The following GRM5 variants were observed in gnomAD, a reference collection of about 807,000 sequenced individuals.
GRM5 encodes glutamate metabotropic receptor 5, also known as metabotropic glutamate receptor 5.
GRM5 carries 19 observed loss-of-function variants against 83.1 expected under a neutral mutation model. The ratio of observed to expected loss-of-function variants is 0.23; its 90% confidence interval spans 0.16 to 0.34. The LOEUF (loss-of-function observed/expected upper bound fraction) is 0.34, where lower values mean the gene tolerates loss of function less well. Ranked by LOEUF, GRM5 falls within the 10% of genes least tolerant of loss-of-function variation. The pLI, the probability that GRM5 is intolerant of heterozygous loss-of-function variation, is 1.00. For synonymous variants in GRM5, 675 were observed against 633.6 expected (o/e 1.07, Z -0.98); for missense variants, 1,160 against 1,588.3 (o/e 0.73, Z 4.58).
intron 2 of GRM5, among the ~76,000 whole-genome samples, chr11:88,957,873 G>A (rs1373629723): frequency 2.0e-5 from 3 of 152,036 alleles, no homozygotes; most frequent in Non-Finnish European, 4.4e-5. Context: ...CACAAAAGCA[G>A]AAAGGGAAGA....
chr11:88,865,280 G>A (rs1307317444), intron 2 of GRM5, among the ~76,000 whole-genome samples: 1 of 152,124 alleles, frequency 6.6e-6, no homozygotes, highest in African/African-American at 2.4e-5. Flanking sequence ...CCTGATGTTT[G>A]ACAAACCTGA....
intron 3 of GRM5, among the ~76,000 whole-genome samples, chr11:88,795,327 T>C (rs10831444): frequency 0.053 from 8,109 of 152,222 alleles, 404 homozygotes; most frequent in Admixed American, 0.16. Flanking sequence ...TGCTACATAA[T>C]AGTGGCTACC....
At chr11:88,665,655 A>G (rs1237730670) in intron 3 of GRM5, among the ~76,000 whole-genome samples, 3 of 152,218 alleles carry the variant, frequency 2.0e-5, no homozygotes, top group Admixed American at 6.5e-5. Flanking sequence ...TAGGTATCAT[A>G]TGCTCAATAA....
intron 3 of GRM5, among the ~76,000 whole-genome samples, chr11:88,794,945 T>C (rs1484518839): frequency 1.3e-5 from 2 of 152,246 alleles, no homozygotes; most frequent in African/African-American, 4.8e-5. Flanking sequence ...TGATATGGTG[T>C]GATTACCATC....
intron 4 of GRM5, among the ~76,000 whole-genome samples, chr11:88,621,005 G>C (rs1251393236): frequency 6.6e-6 from 1 of 152,162 alleles, no homozygotes; most frequent in Non-Finnish European, 1.5e-5. Flanking sequence ...GATTCACCAT[G>C]AACAGCCAGT....
chr11:88,972,526 T>C (rs1481166731), intron 2 of GRM5, among the ~76,000 whole-genome samples: 1 of 152,162 alleles, frequency 6.6e-6, no homozygotes, highest in African/African-American at 2.4e-5. Context: ...CATAAATGGA[T>C]ACATATATAA....
rs1171219302 is a variant in GRM5, at chr11:88,956,692, G to GCTC, written c.661+90517_661+90519dup. On this transcript the variant is annotated intron_variant, in intron 2 of 9. Transcript: ENST00000305447. ...GCGGTGGCGGGGGCCTGTAGTCCCA[G>GCTC]CTCCTCGAGAGGCTGAGGCAGGAGA... is the stretch of plus-strand genomic sequence containing the variant. 6.6e-5 allele frequency among the ~76,000 whole-genome samples: 10 copies of GCTC among 152,322 alleles called. No homozygotes were observed. The East Asian group carries it at 1.9e-3, about 29-fold the overall frequency.
At chr11:88,572,413 T>C (rs555041918) in intron 7 of GRM5, among the ~76,000 whole-genome samples, 1 of 152,334 alleles carries the variant, frequency 6.6e-6, no homozygotes, top group East Asian at 1.9e-4. Context: ...CACAGTCTCC[T>C]CTAACAATAT....
chr11:88,776,250 A>G (rs1279921084), intron 3 of GRM5, among the ~76,000 whole-genome samples: 2 of 152,022 alleles, frequency 1.3e-5, no homozygotes, highest in Admixed American at 6.6e-5. Context: ...TTATCATAGA[A>G]TAGGATTGCA....
intron 2 of GRM5, among the ~76,000 whole-genome samples, chr11:88,887,959 C>T (rs942062534): frequency 3.3e-5 from 5 of 152,126 alleles, no homozygotes; most frequent in African/African-American, 1.2e-4. Context: ...GGGGAACCAC[C>T]CGAGGCAGCT....
chr11:88,622,442 G>A (rs1257658971), intron 4 of GRM5, among the ~76,000 whole-genome samples: 1 of 152,206 alleles, frequency 6.6e-6, no homozygotes, highest in African/African-American at 2.4e-5. Flanking sequence ...TGTTTAGAAA[G>A]AAGTAACAAA....
At chr11:88,622,260 C>G (rs61902000) in intron 4 of GRM5, among the ~76,000 whole-genome samples, 18,268 of 152,204 alleles carry the variant, frequency 0.12, 1,456 homozygotes, top group Non-Finnish European at 0.18. Flanking sequence ...AACACATAAG[C>G]TAAGCATCAT....
chr11:88,527,108 C>T (rs1941897752), intron 8 of GRM5, among the ~76,000 whole-genome samples: 1 of 152,100 alleles, frequency 6.6e-6, no homozygotes, highest in Admixed American at 6.6e-5. Flanking sequence ...AAATGATGCT[C>T]AATGTTTCAA....
At chr11:88,580,388 A>T (rs1189279495) in intron 7 of GRM5, among the ~76,000 whole-genome samples, 1 of 152,250 alleles carries the variant, frequency 6.6e-6, no homozygotes, top group African/African-American at 2.4e-5. Flanking sequence ...ATCAACACTG[A>T]GCTCTGGAGC....
At chr11:88,602,651 GATTA>G (rs1310123188) in intron 5 of GRM5, among the ~76,000 whole-genome samples, 1 of 152,164 alleles carries the variant, frequency 6.6e-6, no homozygotes, top group African/African-American at 2.4e-5. Context: ...GATCCTGGTT[GATTA>G]ATTGTCAGGC....
At chr11:88,848,448 C>G (rs1944334190) in intron 3 of GRM5, among the ~76,000 whole-genome samples, 1 of 152,114 alleles carries the variant, frequency 6.6e-6, no homozygotes, top group Non-Finnish European at 1.5e-5. Flanking sequence ...AAGTACATTT[C>G]CCTTAATAAG....
At chr11:88,983,090 A>G (rs1286344703) in intron 2 of GRM5, among the ~76,000 whole-genome samples, 1 of 148,356 alleles carries the variant, frequency 6.7e-6, no homozygotes, top group Non-Finnish European at 1.5e-5. Flanking sequence ...AAATTTAGCT[A>G]ATCTTTACAG....
chr11:88,605,669 G>A (rs1229478183), intron 4 of GRM5, among the ~76,000 whole-genome samples: 2 of 152,144 alleles, frequency 1.3e-5, no homozygotes, highest in African/African-American at 4.8e-5. Context: ...TGTAAATACA[G>A]TGAAAGGTAG....
intron 3 of GRM5, among the ~76,000 whole-genome samples, chr11:88,751,590 C>T (rs940474494): frequency 6.6e-6 from 1 of 152,058 alleles, no homozygotes; most frequent in African/African-American, 2.4e-5. Flanking sequence ...AGTGACTCCC[C>T]GTTAAGTCAT....
Sources: gnomAD v4.1 joint callset for allele counts (sites outside exome capture counted in the v4.1 genomes callset) on GRCh38, gnomAD v4.1.1 for gene constraint, MANE v1.5 for transcripts, NCBI Gene and HGNC (gene_info 2026-07-23, HGNC 2026-07-21) for gene names.